LAGE3: variants seen among roughly 807,000 people sequenced by gnomAD.
LAGE3 encodes the protein EKC/KEOPS complex subunit LAGE3.
Under a neutral mutation model 4.4 loss-of-function variants are expected in LAGE3, and 2 were observed. That is an observed-to-expected ratio of 0.46 (90% confidence interval 0.19 to 1.44). LAGE3 has a LOEUF of 1.44. LAGE3 is among the 40% of genes most tolerant of loss of function. The pLI is 0.26. For missense variants in LAGE3, 152 were observed against 138.1 expected, an observed-to-expected ratio of 1.10 and a Z score of -0.51; for synonymous variants, 79 against 60.0, an observed-to-expected ratio of 1.32 and a Z score of -1.47.
At position 154,478,875 on chromosome X, in the gene LAGE3, C is replaced by CCGTCAGCGCCTCCGCCTGCGTCTG; in HGVS notation, c.17_40dup (p.Ala6_Asp13dup). 1 of 1,011,137 alleles carries CCGTCAGCGCCTCCGCCTGCGTCTG rather than the reference C, an allele frequency of 9.9e-7. No individual in the cohort carries two copies. The highest frequency in any genetic ancestry group is 3.1e-5 in the South Asian group (1 of 32,168). The allele number at this position is 1,011,137 out of a possible 1,213,427, so 83.3% of individuals were successfully genotyped here. On this transcript the variant is annotated inframe_insertion, in exon 1 of 3. Transcript: ENST00000357360. ...GCTGTGGCCACCCCGGCCATCCCCGCCGTCAGCGCCTCCGCCTGCGTCTGC... is the reference window on the plus strand; with the variant it reads ...GCTGTGGCCACCCCGGCCATCCCCGCCGTCAGCGCCTCCGCCTGCGTCTGCGTCAGCGCCTCCGCCTGCGTCTGC...
intron 2 of LAGE3, 36 bp from the exon 3 acceptor site, chrX:154,478,094 T>G: frequency 1.8e-6 from 2 of 1,126,467 alleles, no homozygotes; most frequent in Non-Finnish European, 2.4e-6. Flanking sequence ...AAATTGGAGG[T>G]GGCAACTCCT....
intron 1 of LAGE3, 30 bp from the exon 2 acceptor site, chrX:154,478,441 G>A: frequency 8.6e-7 from 1 of 1,166,228 alleles, no homozygotes; most frequent in Non-Finnish European, 1.1e-6. Flanking sequence ...GGTGCCATCT[G>A]ATACGATCTT....
chrX:154,478,519 C>T (rs1436383533), intron 1 of LAGE3, 108 bp from the exon 2 acceptor site: 19 of 1,027,836 alleles, frequency 1.8e-5, no homozygotes, highest in Non-Finnish European at 2.3e-5. Context: ...GTGTCACCCC[C>T]TTCACTCCTT....
rs1356540746 is a variant in LAGE3 at position 154,479,010 on chromosome X, A to G, written c.-95T>C. The stretch of plus-strand genomic sequence containing the variant: ...CTTCCCGAAGCCCCGCCCCCTGCGC[A>G]CGACTCCGCCCACACGCGCCTGCGC... On this transcript the variant is annotated 5_prime_UTR_variant, in exon 1 of 3. Transcript: ENST00000357360. 2.3e-6 allele frequency: 1 copy of G among 432,715 alleles called. No homozygotes were observed. Among genetic ancestry groups the G allele is most frequent in the East Asian group, 4.7e-5 (1 of 21,319 alleles). The allele number at this position is 432,715 out of a possible 1,213,427, so 35.7% of individuals were successfully genotyped here.
At chrX:154,478,523 A>C in intron 1 of LAGE3, 112 bp from the exon 2 acceptor site, 4 of 994,383 alleles carry the variant, frequency 4.0e-6, no homozygotes, top group Admixed American at 3.7e-5. Flanking sequence ...CACCCCCTTC[A>C]CTCCTTACCT....
intron 1 of LAGE3, 123 bp from the exon 2 acceptor site, chrX:154,478,534 C>T: frequency 5.0e-6 from 5 of 990,821 alleles, no homozygotes; most frequent in Non-Finnish European, 6.7e-6. Context: ...CTCCTTACCT[C>T]GCCCAGGCCA....
rs781833456 is a variant in LAGE3 at position 154,478,018 on chromosome X, C to T, written c.358G>A (p.Val120Ile). 1.3e-5 allele frequency: 16 copies of T among 1,211,794 alleles called. No homozygotes were observed. The South Asian group carries it at 1.4e-4, about 11-fold the overall frequency. The change falls in exon 3 of 3, where the codon GTC becomes ATC. Residue 120 changes from valine to isoleucine, a missense_variant. Coordinates refer to ENST00000357360, the MANE Select transcript of LAGE3 (RefSeq NM_006014.5). ...GAAAGCTGGTCAAGAAAGTTGATGA[C>T]GGAAATTCGGAGCAGGCGACAGTCT... Reference protein sequence around the residue: ...AEDCRLLRISVINFLDQLSLV... With the variant: ...AEDCRLLRISIINFLDQLSLV...
chrX:154,478,452 G>A lies in LAGE3; in HGVS notation c.189-41C>T, dbSNP rs782695876. On this transcript the variant is annotated intron_variant, in intron 1 of 2. Transcript: ENST00000357360. ...TTAAGGTGCCATCTGATACGATCTT[G>A]CCTATGTCTCAGGCCTTCTTGCTCC... 26 of 1,155,336 alleles carry A rather than the reference G, an allele frequency of 2.3e-5. 1 individual carries two copies. In the South Asian group the frequency reaches 5.3e-4, roughly 24 times the overall value.
At position 154,478,802 on chromosome X, in the gene LAGE3, G is replaced by C. The variant is rs782323206; in HGVS notation, c.114C>G (p.Pro38=). 2.6e-6 allele frequency: 3 copies of C among 1,135,786 alleles called. No homozygotes were observed. The East Asian group carries it at 1.0e-4, about 39-fold the overall frequency. 93.6% of individuals were successfully genotyped at this position (1,135,786 alleles called of 1,213,427 possible). ...TGCCCGGACCTGGCGCGTGCGCTGGGGGAGCTCCACCGGCCGGAGCTGCGG... is the reference window on the plus strand; with the variant it reads ...TGCCCGGACCTGGCGCGTGCGCTGGCGGAGCTCCACCGGCCGGAGCTGCGG... ...DTAAAPAGGA[P]PAHAPGPGRD... Residue 38 remains proline, a synonymous_variant, in exon 1 of 3, where the codon CCC becomes CCG. Transcript: ENST00000357360.
chrX:154,478,704 C>G, intron 1 of LAGE3, 24 bp downstream of exon 1: 1 of 1,078,911 alleles, frequency 9.3e-7, no homozygotes, highest in Non-Finnish European at 1.2e-6. Context: ...CCGCCGCAAG[C>G]AGCCCCCAGC....
chrX:154,478,139 G>A, intron 2 of LAGE3, 81 bp from the exon 3 acceptor site: 1 of 1,105,025 alleles, frequency 9.0e-7, no homozygotes, highest in South Asian at 1.9e-5. Context: ...ACCCAATATA[G>A]CAAACCCTTG....
Position 154,478,807 on chromosome X carries a change from C to A in LAGE3, c.109G>T (p.Ala37Ser). ...VDTAAAPAGG[A>S]PPAHAPGPGR... ...GGACCTGGCGCGTGCGCTGGGGGAG[C>A]TCCACCGGCCGGAGCTGCGGCTGTG... Residue 37 changes from alanine (A) to serine (S), a missense_variant, in exon 1 of 3, where the codon GCT becomes TCT. Transcript: ENST00000357360. 1 of 1,129,846 alleles carries A rather than the reference C, an allele frequency of 8.9e-7. No individual in the cohort carries two copies. Among genetic ancestry groups the A allele is most frequent in the Admixed American group, 2.8e-5 (1 of 35,975 alleles). The allele number at this position is 1,129,846 out of a possible 1,213,427, so 93.1% of individuals were successfully genotyped here. A position where few individuals can be genotyped will look rare whatever the true frequency, so the allele number is the denominator to read the frequency against.
chrX:154,478,232 C>T (rs782120138), intron 2 of LAGE3, 51 bp downstream of exon 2: 10 of 1,196,498 alleles, frequency 8.4e-6, no homozygotes, highest in Middle Eastern at 2.9e-4. Context: ...TTGGATGTCC[C>T]CCATGTCTCC....
At position 154,478,204 on chromosome X, in the gene LAGE3, G is replaced by C. The variant is rs925394066; in HGVS notation, c.317+79C>G. On this transcript the variant is annotated intron_variant, in intron 2 of 2. Transcript: ENST00000357360. Reference sequence around the variant, plus strand: ...CAGAGACCGGCCCAGCGCACCTGGCGCTCCTTAGGGCTCATCCTTGGATGT... The same window carrying C: ...CAGAGACCGGCCCAGCGCACCTGGCCCTCCTTAGGGCTCATCCTTGGATGT... The C allele has an allele frequency of 1.1e-5, 13 of 1,154,278 alleles. No homozygotes were observed. In the Admixed American group the frequency reaches 1.4e-4, roughly 12 times the overall value.
In LAGE3 at chrX:154,478,753, C is replaced by T; in HGVS notation, c.163G>A (p.Gly55Arg). Reference protein sequence around the residue: ...PGRDAASAARGSRMRPHIFTL... With the variant: ...PGRDAASAARRSRMRPHIFTL... ...AATATGTGCGGCCGCATTCGTGACCCCCTGGCCGCAGACGCGGCGTCTCTG... is the reference window on the plus strand; with the variant it reads ...AATATGTGCGGCCGCATTCGTGACCTCCTGGCCGCAGACGCGGCGTCTCTG... The change falls in exon 1 of 3, where the codon GGG (glycine) becomes AGG (arginine). Residue 55 changes from glycine (G) to arginine (R), a missense_variant. Coordinates refer to ENST00000357360, the MANE Select transcript of LAGE3 (RefSeq NM_006014.5). 9.0e-7 allele frequency: 1 copy of T among 1,109,729 alleles called. No individual in the cohort carries two copies. Among genetic ancestry groups the T allele is most frequent in the Non-Finnish European group, 1.2e-6 (1 of 855,462 alleles). 91.5% of individuals were successfully genotyped at this position (1,109,729 alleles called of 1,213,427 possible). A position where few individuals can be genotyped will look rare whatever the true frequency, so the allele number is the denominator to read the frequency against.
chrX:154,478,186 C>A (rs966537961), intron 2 of LAGE3, 97 bp downstream of exon 2: 4 of 1,134,950 alleles, frequency 3.5e-6, no homozygotes, highest in African/African-American at 3.6e-5. Context: ...AGGCAGAGAC[C>A]GGCCCAGCGC....
Position 154,478,342 on chromosome X carries a change from G to A in LAGE3, c.258C>T (p.Ala86=). 1 of 1,208,147 alleles carries A rather than the reference G, an allele frequency of 8.3e-7. No homozygotes were observed. The highest frequency in any genetic ancestry group is 1.1e-6 in the Non-Finnish European group (1 of 893,729). The change falls in exon 2 of 3, where the codon GCC becomes GCT. Residue 86 remains alanine, a synonymous_variant. Coordinates refer to ENST00000357360, the MANE Select transcript of LAGE3 (RefSeq NM_006014.5). ...TCCCAACCACCCTTTGGTGGGGCTC[G>A]GCATCTGGTGCCAGGGACCCATGGG... ...EIAHGSLAPD[A]EPHQRVVGKD... is the part of the protein sequence containing the mutation.
Position 154,478,409 on chromosome X carries a change from G to A in LAGE3, c.191C>T (p.Thr64Ile). The A allele has an allele frequency of 2.5e-6, 3 of 1,184,484 alleles. No homozygotes were observed. The highest frequency in any genetic ancestry group is 3.4e-6 in the Non-Finnish European group (3 of 882,822). ...RGSRMRPHIF[T>I]LSVPFPTPLE... ...GGGGGTCGGGAAAGGCACGCTGAGG[G>A]TGCTGGGGGTCATTCGGTTAAGGTG... is the stretch of plus-strand genomic sequence containing the variant. The change falls in exon 2 of 3, where the codon ACC (threonine) becomes ATC (isoleucine). Residue 64 changes from threonine (T) to isoleucine (I), a missense_variant and splice_region_variant. Thr to Ile is a moderately conservative substitution (Grantham distance 89). Transcript: ENST00000357360.
Position 154,477,866 on chromosome X carries a change from C to T in LAGE3, c.*78G>A. The T allele has an allele frequency of 1.3e-6, 1 of 774,307 alleles. No homozygotes were observed. Among genetic ancestry groups the T allele is most frequent in the Admixed American group, 2.6e-5 (1 of 38,758 alleles). 63.8% of individuals were successfully genotyped at this position (774,307 alleles called of 1,213,427 possible). A position where few individuals can be genotyped will look rare whatever the true frequency, so the allele number is the denominator to read the frequency against. On this transcript the variant is annotated 3_prime_UTR_variant, in exon 3 of 3. Coordinates refer to ENST00000357360, the MANE Select transcript of LAGE3 (RefSeq NM_006014.5). ...CAGGAAAGTAGCAACTGTGGGAATT[C>T]CTGCCCTAGGGAAGGATGGACGCAC...
Sources: gnomAD v4.1 joint callset for allele counts on GRCh38, gnomAD v4.1.1 for gene constraint, MANE v1.5 for transcripts, NCBI Gene and HGNC (gene_info 2026-07-23, HGNC 2026-07-21) for gene names.